CSMD1: variants seen among roughly 807,000 people sequenced by gnomAD.
The protein encoded by CSMD1 is CUB and sushi domain-containing protein 1.
Under a neutral mutation model 417.5 loss-of-function variants are expected in CSMD1, and 213 were observed. The ratio of observed to expected loss-of-function variants is 0.51; its 90% CI spans 0.46 to 0.57. CSMD1 has a LOEUF of 0.57. Ranked by LOEUF, CSMD1 falls within the 20% of genes least tolerant of loss-of-function variation. CSMD1 has a pLI of 0.00. For missense variants in CSMD1, 6,923 were observed against 4,529.7 expected, an observed-to-expected ratio of 1.53 and a Z score of -15.17; for synonymous variants, 2,862 against 1,736.8, an observed-to-expected ratio of 1.65 and a Z score of -16.11.
At chr8:4,683,633 C>T (rs140989746) in intron 1 of CSMD1, among the ~76,000 whole-genome samples, 278 of 152,296 alleles carry the variant, frequency 1.8e-3, no homozygotes, top group Non-Finnish European at 3.2e-3. Flanking sequence ...CGAGGAACCT[C>T]GCAGAGAAGG....
intron 3 of CSMD1, among the ~76,000 whole-genome samples, chr8:4,339,237 C>G (rs9314526): frequency 6.6e-6 from 1 of 151,934 alleles, no homozygotes; most frequent in Non-Finnish European, 1.5e-5. Context: ...AGGAAATAAT[C>G]TAGTTATGGT....
intron 5 of CSMD1, among the ~76,000 whole-genome samples, chr8:3,761,439 G>C (rs755483825): frequency 2.8e-4 from 42 of 149,656 alleles, no homozygotes; most frequent in Non-Finnish European, 4.3e-4. Flanking sequence ...AACCCATATG[G>C]TATATTTAAA....
At chr8:3,716,104 T>A (rs1377879357) in intron 6 of CSMD1, among the ~76,000 whole-genome samples, 6 of 152,216 alleles carry the variant, frequency 3.9e-5, no homozygotes, top group Non-Finnish European at 8.8e-5. Context: ...AAGCACTTTC[T>A]GCCCTTTGCT....
At chr8:4,416,820 T>G (rs1479895285) in intron 3 of CSMD1, among the ~76,000 whole-genome samples, 1 of 152,104 alleles carries the variant, frequency 6.6e-6, no homozygotes, top group Non-Finnish European at 1.5e-5. Context: ...CAAAGTAATA[T>G]TTTTTAATAC....
rs114476449 is a variant in CSMD1, at chr8:4,618,965, T to C, written c.302+18377A>G. 4.7e-3 allele frequency among the ~76,000 whole-genome samples: 718 copies of C among 152,258 alleles called. 3 individuals carry two copies. The highest frequency in any genetic ancestry group is 0.017 in the African/African-American group (687 of 41,558). On this transcript the variant is annotated intron_variant, in intron 2 of 69. Transcript: ENST00000635120. ...ATCCATATTTTATTTCTAGTAAACA[T>C]AACAGAAGCTTCAGTAATACCAGAA...
At chr8:3,803,522 G>A (rs1162416344) in intron 5 of CSMD1, among the ~76,000 whole-genome samples, 4 of 152,252 alleles carry the variant, frequency 2.6e-5, no homozygotes, top group Admixed American at 6.5e-5. Context: ...AAAACCCAGG[G>A]GCTGGGCCCA....
intron 10 of CSMD1, among the ~76,000 whole-genome samples, chr8:3,526,374 T>C (rs752285489): frequency 5.3e-5 from 8 of 152,088 alleles, no homozygotes; most frequent in Admixed American, 2.0e-4. Context: ...TTGAGAGTAA[T>C]AACGTCTTCT....
At chr8:3,691,498 G>A (rs1800242640) in intron 7 of CSMD1, among the ~76,000 whole-genome samples, 1 of 152,174 alleles carries the variant, frequency 6.6e-6, no homozygotes, top group Admixed American at 6.5e-5. Context: ...TCACTGCAAG[G>A]CATCTAGAAA....
At chr8:3,354,404 T>G (rs1808606318) in intron 21 of CSMD1, among the ~76,000 whole-genome samples, 1 of 152,124 alleles carries the variant, frequency 6.6e-6, no homozygotes, top group Non-Finnish European at 1.5e-5. Context: ...ATCTCTATGT[T>G]TTAGAAGCTT....
chr8:4,704,747 T>C (rs1011880627), intron 1 of CSMD1, among the ~76,000 whole-genome samples: 4 of 152,178 alleles, frequency 2.6e-5, no homozygotes, highest in Non-Finnish European at 5.9e-5. Flanking sequence ...ATGTTCTGGA[T>C]ATGTGTGAGT....
At chr8:4,483,956 T>G (rs1397871013) in intron 2 of CSMD1, among the ~76,000 whole-genome samples, 2 of 152,132 alleles carry the variant, frequency 1.3e-5, no homozygotes, top group African/African-American at 4.8e-5. Flanking sequence ...TGTCTCTCAT[T>G]GACAGTCCTG....
At chr8:4,908,847 C>G (rs1423858643) in intron 1 of CSMD1, among the ~76,000 whole-genome samples, 3 of 152,174 alleles carry the variant, frequency 2.0e-5, no homozygotes, top group African/African-American at 7.2e-5. Flanking sequence ...ATCATACTCA[C>G]TTAAAATATC....
intron 3 of CSMD1, among the ~76,000 whole-genome samples, chr8:4,254,567 C>T (rs917090570): frequency 6.6e-6 from 1 of 152,118 alleles, no homozygotes; most frequent in Non-Finnish European, 1.5e-5. Context: ...ACAGTCATGT[C>T]CTAAGCCTTC....
chr8:4,892,949 A>C (rs1804223143), intron 1 of CSMD1, among the ~76,000 whole-genome samples: 1 of 152,150 alleles, frequency 6.6e-6, no homozygotes. Context: ...TGGTGCATTA[A>C]TATGAGCATA....
chr8:4,703,671 G>A (rs544143402), intron 1 of CSMD1, among the ~76,000 whole-genome samples: 1 of 152,106 alleles, frequency 6.6e-6, no homozygotes, highest in South Asian at 2.1e-4. Context: ...AAGACAAATA[G>A]TAGTTGACTT....
chr8:3,396,503 A>G (rs1175913439), intron 16 of CSMD1, 122 bp from the exon 17 acceptor site: 13 of 664,460 alleles, frequency 2.0e-5, no homozygotes, highest in South Asian at 1.3e-4. Context: ...AATAGTTGAA[A>G]TTACATATGC....
At chr8:3,676,955 A>T (rs1799406623) in intron 7 of CSMD1, among the ~76,000 whole-genome samples, 2 of 152,136 alleles carry the variant, frequency 1.3e-5, no homozygotes, top group African/African-American at 4.8e-5. Flanking sequence ...TTAAACAATG[A>T]CAACACAAGG....
rs527744550 is a variant in CSMD1 at position 3,485,089 on chromosome 8, G to A, written c.1448+8534C>T. Reference sequence around the variant, plus strand: ...ATTTCCAAGAGAAATAAAAACTCATGTTTACATAACAACCTATACACAAAT... The same window carrying A: ...ATTTCCAAGAGAAATAAAAACTCATATTTACATAACAACCTATACACAAAT... On this transcript the variant is annotated intron_variant, in intron 11 of 69. Coordinates refer to ENST00000635120, the MANE Select transcript of CSMD1 (RefSeq NM_033225.6). Among the ~76,000 whole-genome samples, 21 of 152,256 alleles carry A rather than the reference G, an allele frequency of 1.4e-4. 1 individual carries two copies. In the South Asian group the frequency reaches 3.7e-3, roughly 27 times the overall value.
intron 5 of CSMD1, among the ~76,000 whole-genome samples, chr8:3,760,609 C>T (rs1797939786): frequency 6.6e-6 from 1 of 152,214 alleles, no homozygotes; most frequent in Non-Finnish European, 1.5e-5. Flanking sequence ...ATGACTCATG[C>T]ATTTCGCGTA....
Sources: gnomAD v4.1 joint callset for allele counts (sites outside exome capture counted in the v4.1 genomes callset) on GRCh38, gnomAD v4.1.1 for gene constraint, MANE v1.5 for transcripts, NCBI Gene and HGNC (gene_info 2026-07-23, HGNC 2026-07-21) for gene names.